TMPRSS6: variants seen among roughly 807,000 people sequenced by gnomAD.
TMPRSS6 encodes transmembrane serine protease 6, also known as transmembrane protease serine 6.
A neutral mutation model predicts 101.5 loss-of-function variants in TMPRSS6; 67 were observed. The observed-to-expected ratio is 0.66, with a 90% CI of 0.54 to 0.81. The LOEUF is 0.81. Ranked by LOEUF, TMPRSS6 falls within the 30% of genes least tolerant of loss-of-function variation. The probability of loss-of-function intolerance (pLI) is 0.00; values close to 1 mark genes in which losing one functional copy is unlikely to be tolerated. For missense variants in TMPRSS6, 1,034 were observed against 1,088.7 expected (o/e 0.95, Z 0.71); for synonymous variants, 453 against 464.9 (o/e 0.97, Z 0.33).
intron 8 of TMPRSS6, 91 bp from the exon 9 acceptor site, chr22:37,084,930 C>T: frequency 1.1e-6 from 1 of 917,088 alleles, no homozygotes; most frequent in Non-Finnish European, 1.7e-6. Context: ...CCCCTACCAC[C>T]TCTGCCAGCA....
intron 10 of TMPRSS6, among the ~76,000 whole-genome samples, chr22:37,079,016 A>AGAAAGAAAGAAAGAAAGAAAGAAAGAAG (rs1491380564): frequency 7.7e-6 from 1 of 129,730 alleles, no homozygotes; most frequent in Non-Finnish European, 1.8e-5. Flanking sequence ...AAAGAAAGAA[A>AGAAAGAAAGAAAGAAAGAAAGAAAGAAG]GAGAAAGAGA....
At chr22:37,095,469 A>G (rs1244949772) in intron 6 of TMPRSS6, 82 bp downstream of exon 6, 3 of 1,537,246 alleles carry the variant, frequency 2.0e-6, no homozygotes, top group African/African-American at 1.4e-5. Context: ...AACAGAAGCC[A>G]TGTGTCCCCC....
chr22:37,070,372 G>C lies in TMPRSS6; in HGVS notation c.1841+112C>G, dbSNP rs1601518121. On this transcript the variant is annotated intron_variant, in intron 15 of 17. Coordinates refer to ENST00000676104, the MANE Select transcript of TMPRSS6 (RefSeq NM_001374504.1). ...CTCACATCACAGTAGCCTGTCTGGGGGGTCCACCACCCTTCCCTCTATCTG... is the reference window on the plus strand; with the variant it reads ...CTCACATCACAGTAGCCTGTCTGGGCGGTCCACCACCCTTCCCTCTATCTG... The C allele has an allele frequency of 1.0e-5, 14 of 1,392,040 alleles. No individual in the cohort carries two copies. The East Asian group carries it at 3.2e-4, about 32-fold the overall frequency. 86.2% of individuals were successfully genotyped at this position (1,392,040 alleles called of 1,614,324 possible).
At position 37,084,712 on chromosome 22, in the gene TMPRSS6, A is replaced by AGGGT. The variant is rs1034255217; in HGVS notation, c.1086+11_1086+14dup. ...TGCGGCAGAGGGCAGGTGGGCAGGC[A>AGGGT]GGGTGGGGTCTCACCGTGAGGTGCC... On this transcript the variant is annotated intron_variant, in intron 9 of 17. Transcript: ENST00000676104. The AGGGT allele has an allele frequency of 6.5e-7, 1 of 1,550,154 alleles. No homozygotes were observed. The highest frequency in any genetic ancestry group is 1.9e-5 in the Admixed American group (1 of 51,358).
intron 7 of TMPRSS6, among the ~76,000 whole-genome samples, chr22:37,087,693 T>A (rs1928899479): frequency 6.6e-6 from 1 of 151,276 alleles, no homozygotes; most frequent in Admixed American, 6.6e-5. Flanking sequence ...CACCCTCCCA[T>A]ACAGCCACGT....
chr22:37,098,428 T>C lies in TMPRSS6; in HGVS notation c.324A>G (p.Lys108=), dbSNP rs1930012903. ...GATCCTTTCCTACCATCTTCTGGGCTTTGGCGGTTTCACTGCGGAAGGCAC... is the reference window on the plus strand; with the variant it reads ...GATCCTTTCCTACCATCTTCTGGGCCTTGGCGGTTTCACTGCGGAAGGCAC... ...ESSAFRSETA[K]AQKMLKELIT... The change falls in exon 3 of 18, where the codon AAA becomes AAG. Residue 108 remains lysine (K), a synonymous_variant. Coordinates refer to ENST00000676104, the MANE Select transcript of TMPRSS6 (RefSeq NM_001374504.1). 6.2e-7 allele frequency: 1 copy of C among 1,612,980 alleles called. No homozygotes were observed. Among genetic ancestry groups the C allele is most frequent in the African/African-American group, 1.3e-5 (1 of 74,666 alleles).
intron 10 of TMPRSS6, among the ~76,000 whole-genome samples, chr22:37,080,990 G>A (rs1044614032): frequency 1.3e-5 from 2 of 152,250 alleles, no homozygotes; most frequent in Admixed American, 1.3e-4. Context: ...GTGCACCCAC[G>A]TGCACTCCAG....
At position 37,065,939 on chromosome 22, in the gene TMPRSS6, C is replaced by T. The variant is rs573703183; in HGVS notation, c.*141G>A. On this transcript the variant is annotated 3_prime_UTR_variant, in exon 18 of 18. Coordinates refer to ENST00000676104, the MANE Select transcript of TMPRSS6 (RefSeq NM_001374504.1). Reference sequence around the variant, plus strand: ...CCATCACTGGAGCAGACATCAGGGACGAGACAAGATGCCACCTCCTGCCAC... The same window carrying T: ...CCATCACTGGAGCAGACATCAGGGATGAGACAAGATGCCACCTCCTGCCAC... 1.8e-4 allele frequency: 195 copies of T among 1,097,376 alleles called. No individual in the cohort carries two copies. Among genetic ancestry groups the T allele is most frequent in the African/African-American group, 1.7e-3 (109 of 64,788 alleles). The allele number at this position is 1,097,376 out of a possible 1,614,324, so 68.0% of individuals were successfully genotyped here.
At position 37,095,955 on chromosome 22, in the gene TMPRSS6, G is replaced by A. The variant is rs766021342; in HGVS notation, c.540C>T (p.Val180=). The A allele has an allele frequency of 1.2e-6, 2 of 1,614,178 alleles. No individual in the cohort carries two copies. Among genetic ancestry groups the A allele is most frequent in the East Asian group, 2.2e-5 (1 of 44,880 alleles). ...LLSTVNSSAA[V]PYRAEYEVDP... is the part of the protein sequence containing the mutation. ...CCACTTCGTACTCGGCCCTGTAGGG[G>A]ACGGCAGCCGAGCTGTTGACTGTGG... Residue 180 remains valine, a synonymous_variant, in exon 5 of 18, where the codon GTC becomes GTT. Coordinates refer to ENST00000676104, the MANE Select transcript of TMPRSS6 (RefSeq NM_001374504.1).
intron 1 of TMPRSS6, among the ~76,000 whole-genome samples, chr22:37,104,603 A>G (rs228909): frequency 0.22 from 32,998 of 152,034 alleles, 3,964 homozygotes; most frequent in African/African-American, 0.31. Flanking sequence ...GGGAGAGCAA[A>G]GGCTCCAGAC....
At chr22:37,071,457 CCT>C (rs1926897199) in intron 13 of TMPRSS6, among the ~76,000 whole-genome samples, 1 of 152,188 alleles carries the variant, frequency 6.6e-6, no homozygotes, top group Non-Finnish European at 1.5e-5. Context: ...TTGGTCTTTG[CCT>C]CTCTCCTTTC....
At position 37,082,037 on chromosome 22, in the gene TMPRSS6, C is replaced by T. The variant is rs185427395; in HGVS notation, c.1196+2258G>A. Among the ~76,000 whole-genome samples the T allele has an allele frequency of 2.6e-3, 402 of 152,346 alleles. 7 individuals are homozygous for T. Among genetic ancestry groups the T allele is most frequent in the Non-Finnish European group, 5.4e-4 (37 of 68,032 alleles). ...CACGAAGTCCCTGTCTCCCCAGTAC[C>T]CAGACCCTTGCCCAACTGCATCAGG... is the stretch of plus-strand genomic sequence containing the variant. On this transcript the variant is annotated intron_variant, in intron 10 of 17. Coordinates refer to ENST00000676104, the MANE Select transcript of TMPRSS6 (RefSeq NM_001374504.1).
intron 10 of TMPRSS6, 108 bp from the exon 11 acceptor site, chr22:37,075,388 C>A: frequency 6.9e-7 from 1 of 1,444,362 alleles, no homozygotes; most frequent in Non-Finnish European, 9.5e-7. Context: ...GCTGCACGCC[C>A]GCTGTGCCTC....
intron 2 of TMPRSS6, among the ~76,000 whole-genome samples, chr22:37,100,900 C>T (rs1218475494): frequency 6.6e-6 from 1 of 152,136 alleles, no homozygotes; most frequent in African/African-American, 2.4e-5. Context: ...GGCCCAAAGT[C>T]TAGGGAGGAA....
chr22:37,072,702 G>A (rs575224898), intron 13 of TMPRSS6, among the ~76,000 whole-genome samples: 6 of 143,310 alleles, frequency 4.2e-5, no homozygotes, highest in East Asian at 4.4e-4. Flanking sequence ...GGTGATGGAC[G>A]GATGGATGAT....
In TMPRSS6 at chr22:37,084,176, C is replaced by G. The variant is rs573523810; in HGVS notation, c.1196+119G>C. On this transcript the variant is annotated intron_variant, in intron 10 of 17. Transcript: ENST00000676104. ...CACCAGCCCCAGCCTCTGCTCGCTC[C>G]CCTTGCTGCCCCTCTGAGATTGGGG... 4.5e-6 allele frequency: 4 copies of G among 887,290 alleles called. No individual in the cohort carries two copies. The African/African-American group carries it at 5.0e-5, about 11-fold the overall frequency. The allele number at this position is 887,290 out of a possible 1,614,324, so 55.0% of individuals were successfully genotyped here.
Position 37,086,446 on chromosome 22 carries a change from T to G in TMPRSS6, c.837-27A>C, listed in dbSNP as rs1391152697. On this transcript the variant is annotated intron_variant, in intron 7 of 17. Transcript: ENST00000676104. ...TGGCAGAACAGAAAGGTGGCAAGGC[T>G]GGGCTGGGGTCTGGGAGGGGAGTGG... 2.6e-6 allele frequency: 4 copies of G among 1,511,942 alleles called. No homozygotes were observed. In the South Asian group the frequency reaches 4.7e-5, roughly 18 times the overall value. The allele number at this position is 1,511,942 out of a possible 1,614,324, so 93.7% of individuals were successfully genotyped here. A position where few individuals can be genotyped will look rare whatever the true frequency, so the allele number is the denominator to read the frequency against.
At chr22:37,074,542 G>T in intron 12 of TMPRSS6, 68 bp downstream of exon 12, 1 of 1,463,574 alleles carries the variant, frequency 6.8e-7, no homozygotes, top group South Asian at 1.2e-5. Context: ...ACTCAGCTCA[G>T]AGCAGGAAAG....
Position 37,070,652 on chromosome 22 carries a change from T to A in TMPRSS6, c.1673A>T (p.Asp558Val). Residue 558 changes from aspartate to valine, a missense_variant and splice_region_variant, in exon 15 of 18, where the codon GAC (aspartate) becomes GTC (valine). Physicochemically the swap from Asp to Val is radical, Grantham distance 152 (BLOSUM62 -3). Coordinates refer to ENST00000676104, the MANE Select transcript of TMPRSS6 (RefSeq NM_001374504.1). The stretch of plus-strand genomic sequence containing the variant: ...GCTGGAGGGGCCCTGGAGGCCACAG[T>A]CTGGGGATGGGGGCAGGTGGTGGGG... ...CRDGSDEEHC[D>V]CGLQGPSSRI... The A allele has an allele frequency of 1.2e-6, 2 of 1,611,954 alleles. No individual in the cohort carries two copies. Among genetic ancestry groups the A allele is most frequent in the Non-Finnish European group, 1.7e-6 (2 of 1,179,608 alleles).
Sources: allele counts gnomAD v4.1 joint callset (sites outside exome capture counted in the v4.1 genomes callset), GRCh38; gene constraint gnomAD v4.1.1; transcripts MANE v1.5; gene names NCBI Gene and HGNC (gene_info 2026-07-23, HGNC 2026-07-21).